The following TTLL11 variants were observed in gnomAD, a reference collection of about 807,000 sequenced individuals.
TTLL11 encodes the protein tubulin tyrosine ligase like 11, also known as tubulin polyglutamylase TTLL11.
In TTLL11, 42 loss-of-function variants were observed where a neutral mutation model predicts 51.7. The observed-to-expected ratio is 0.81, with a 90% confidence interval of 0.64 to 1.05. The LOEUF (loss-of-function observed/expected upper bound fraction) is 1.05. TTLL11 is among the 50% of genes least tolerant of loss of function. The pLI is 0.00. For synonymous variants in TTLL11, 381 were observed against 383.5 expected (o/e 0.99, Z 0.08); for missense variants, 799 against 940.4 (o/e 0.85, Z 1.97).
intron 6 of TTLL11, among the ~76,000 whole-genome samples, chr9:121,933,624 A>G (rs1221585336): frequency 1.3e-5 from 2 of 152,216 alleles, no homozygotes; most frequent in African/African-American, 4.8e-5. Context: ...AACAACAATA[A>G]TAAATCCATT....
At chr9:121,872,224 G>A (rs1202959465) in intron 6 of TTLL11, among the ~76,000 whole-genome samples, 10 of 152,296 alleles carry the variant, frequency 6.6e-5, no homozygotes, top group African/African-American at 1.4e-4. Flanking sequence ...GGCCGTGGCT[G>A]GCTGGCACAC....
In TTLL11 at chr9:122,001,666, G is replaced by A. The variant is rs372507912; in HGVS notation, c.694-11896C>T. Among the ~76,000 whole-genome samples, 26 of 152,222 alleles carry A rather than the reference G, an allele frequency of 1.7e-4. 1 individual carries two copies. The East Asian group carries it at 4.7e-3, about 27-fold the overall frequency. ...TGGGCAGAGACAGCAGTGCAGAGCT[G>A]GTGCTTCTGGGCAACAGCTCTGACC... On this transcript the variant is annotated intron_variant, in intron 3 of 8. Transcript: ENST00000321582.
chr9:121,924,173 T>C (rs993603856), intron 6 of TTLL11, among the ~76,000 whole-genome samples: 1 of 152,232 alleles, frequency 6.6e-6, no homozygotes, highest in Non-Finnish European at 1.5e-5. Context: ...TAAGAAGTAA[T>C]TGGCTTTCTG....
intron 6 of TTLL11, among the ~76,000 whole-genome samples, chr9:121,964,369 C>T (rs769835115): frequency 1.3e-5 from 2 of 152,000 alleles, no homozygotes; most frequent in Non-Finnish European, 2.9e-5. Context: ...GTGATCTCAG[C>T]TCACTGCAAC....
intron 1 of TTLL11, among the ~76,000 whole-genome samples, chr9:122,070,621 T>C (rs188831282): frequency 3.9e-5 from 6 of 152,270 alleles, no homozygotes. Flanking sequence ...CAAAATGATC[T>C]TCCAGTAGGG....
At chr9:121,912,180 T>C (rs1416375873) in intron 6 of TTLL11, among the ~76,000 whole-genome samples, 1 of 152,226 alleles carries the variant, frequency 6.6e-6, no homozygotes, top group Non-Finnish European at 1.5e-5. Context: ...TCATCTACTG[T>C]ACTGCTAGAT....
chr9:121,981,978 C>T (rs1230293353), intron 4 of TTLL11, among the ~76,000 whole-genome samples: 1 of 152,058 alleles, frequency 6.6e-6, no homozygotes, highest in Non-Finnish European at 1.5e-5. Flanking sequence ...TATGCATGGC[C>T]TAGGACTCAG....
chr9:121,961,302 G>A (rs1195048484), intron 6 of TTLL11, among the ~76,000 whole-genome samples: 3 of 152,024 alleles, frequency 2.0e-5, no homozygotes, highest in South Asian at 2.1e-4. Flanking sequence ...ATTCAGATTG[G>A]ATATTTTCCA....
chr9:121,965,089 A>T (rs1238044683), intron 6 of TTLL11, among the ~76,000 whole-genome samples: 3 of 152,196 alleles, frequency 2.0e-5, no homozygotes, highest in Non-Finnish European at 4.4e-5. Context: ...ATGAAATTCA[A>T]ATAAGTATGC....
In TTLL11 at chr9:121,940,349, T is replaced by C. The variant is rs185125356; in HGVS notation, c.1481+33660A>G. ...GTGATCTATAACTTTCTCTCTTTTTTTTTTTTGAGATGGAATCTCGCTCTG... is the reference window on the plus strand; with the variant it reads ...GTGATCTATAACTTTCTCTCTTTTTCTTTTTTGAGATGGAATCTCGCTCTG... On this transcript the variant is annotated intron_variant, in intron 6 of 8. Transcript: ENST00000321582. 2.0e-5 allele frequency among the ~76,000 whole-genome samples: 3 copies of C among 152,030 alleles called. No individual in the cohort carries two copies. The East Asian group carries it at 5.8e-4, about 29-fold the overall frequency.
At chr9:121,841,660 G>T (rs188826810) in intron 8 of TTLL11, among the ~76,000 whole-genome samples, 1 of 151,954 alleles carries the variant, frequency 6.6e-6, no homozygotes, top group Admixed American at 6.6e-5. Context: ...GTGTGGCTGT[G>T]GTGGGGCACG....
At position 121,961,299 on chromosome 9, in the gene TTLL11, T is replaced by C. The variant is rs1453404043; in HGVS notation, c.1481+12710A>G. 4.6e-5 allele frequency among the ~76,000 whole-genome samples: 7 copies of C among 152,210 alleles called. No individual in the cohort carries two copies. In the South Asian group the frequency reaches 1.4e-3, roughly 32 times the overall value. On this transcript the variant is annotated intron_variant, in intron 6 of 8. Transcript: ENST00000321582. The stretch of plus-strand genomic sequence containing the variant: ...TTCAGTTTATTTAACTACATTCAGA[T>C]TGGATATTTTCCATGTCAAATACTT...
intron 6 of TTLL11, among the ~76,000 whole-genome samples, chr9:121,948,547 C>T (rs775929154): frequency 5.3e-5 from 8 of 152,154 alleles, no homozygotes; most frequent in Admixed American, 2.0e-4. Flanking sequence ...TCCATACGCC[C>T]GGCACAGGAC....
Position 121,821,463 on chromosome 9 carries a change from C to A in TTLL11, c.*1124G>T, listed in dbSNP as rs552388246. On this transcript the variant is annotated 3_prime_UTR_variant, in exon 9 of 9. Coordinates refer to ENST00000321582, the MANE Select transcript of TTLL11 (RefSeq NM_001139442.2). This position sits in a 1 kb window ranked among gnomAD's most constrained non-coding sequence, Gnocchi z 5.0. ...ATCCTCCAGGAAAGGGCCACATTAACCCCAAATCCAACCACACTCTGGAGA... is the reference window on the plus strand; with the variant it reads ...ATCCTCCAGGAAAGGGCCACATTAAACCCAAATCCAACCACACTCTGGAGA... Among the ~76,000 whole-genome samples the A allele has an allele frequency of 3.0e-3, 462 of 152,320 alleles. No homozygotes were observed. Among genetic ancestry groups the A allele is most frequent in the African/African-American group, 0.01 (432 of 41,568 alleles).
chr9:122,031,010 C>CA (rs149551903), intron 3 of TTLL11, among the ~76,000 whole-genome samples: 11,477 of 152,152 alleles, frequency 0.075, 867 homozygotes, highest in African/African-American at 0.18. Flanking sequence ...ATAGCAGGAC[C>CA]AGTAAATGGT....
At chr9:122,063,866 C>G (rs1408223371) in intron 1 of TTLL11, among the ~76,000 whole-genome samples, 1 of 152,162 alleles carries the variant, frequency 6.6e-6, no homozygotes, top group East Asian at 1.9e-4. Flanking sequence ...CTCCTTTTGC[C>G]AATGTATGGA....
chr9:122,022,411 A>G (rs10985495), intron 3 of TTLL11, among the ~76,000 whole-genome samples: 32,144 of 151,970 alleles, frequency 0.21, 3,705 homozygotes, highest in Non-Finnish European at 0.24. Flanking sequence ...TTATATAAAG[A>G]AGATCAAAAA....
intron 6 of TTLL11, among the ~76,000 whole-genome samples, chr9:121,905,376 G>C (rs1405725855): frequency 6.8e-5 from 10 of 148,008 alleles, no homozygotes; most frequent in Non-Finnish European, 1.5e-4. Flanking sequence ...TTTTGAGACA[G>C]AGTCTTGCTT....
intron 3 of TTLL11, among the ~76,000 whole-genome samples, chr9:122,031,198 T>C (rs1221059558): frequency 6.6e-6 from 1 of 152,220 alleles, no homozygotes; most frequent in Non-Finnish European, 1.5e-5. Flanking sequence ...CTCCAGTGTA[T>C]TACATGCTCA....
Sources: gnomAD v4.1 joint callset for allele counts (sites outside exome capture counted in the v4.1 genomes callset) on GRCh38, gnomAD v4.1.1 for gene constraint, Gnocchi (gnomAD v3.1) non-coding constraint, MANE v1.5 for transcripts, NCBI Gene and HGNC (gene_info 2026-07-23, HGNC 2026-07-21) for gene names.